The following STX11 variants were observed in gnomAD, a reference collection of about 807,000 sequenced individuals.
The protein encoded by STX11 is syntaxin 11.
STX11 carries 21 observed loss-of-function variants against 19.9 expected under a neutral mutation model. The ratio of observed to expected loss-of-function variants is 1.06; its 90% CI spans 0.75 to 1.52. The LOEUF is 1.52. Among genes scored for constraint, STX11 ranks in the 40% most tolerant of loss-of-function variants. STX11 has a pLI of 0.00. For missense variants in STX11, 438 were observed against 405.9 expected (o/e 1.08, Z -0.68); for synonymous variants, 193 against 174.4 (o/e 1.11, Z -0.84).
chr6:144,169,276 G>A lies in STX11; in HGVS notation c.-5-17347G>A, dbSNP rs547416508. ...CTTTCCGGGGCAATAACACCAAAACGGTGATGTTTTATCAGCATTGCAAAC... is the reference window on the plus strand; with the variant it reads ...CTTTCCGGGGCAATAACACCAAAACAGTGATGTTTTATCAGCATTGCAAAC... On this transcript the variant is annotated intron_variant, in intron 1 of 1. Coordinates refer to ENST00000367568, the MANE Select transcript of STX11 (RefSeq NM_003764.4). This position sits in a 1 kb window ranked among gnomAD's most constrained non-coding sequence, Gnocchi z 5.2. 1.6e-4 allele frequency among the ~76,000 whole-genome samples: 25 copies of A among 152,274 alleles called. No homozygotes were observed. Among genetic ancestry groups the A allele is most frequent in the East Asian group, 1.5e-3 (8 of 5,192 alleles).
chr6:144,146,830 T>A, upstream of STX11, among the ~76,000 whole-genome samples: 1 of 152,156 alleles, frequency 6.6e-6, no homozygotes, highest in Non-Finnish European at 1.5e-5. The surrounding 1 kb of genome is among the most constrained non-coding windows in gnomAD (Gnocchi z 4.4). Context: ...GTGCTGGGTT[T>A]ACAGGCTACC....
In STX11 at chr6:144,180,226, CCTAATAAA is replaced by C. The variant is rs1160454734; in HGVS notation, c.-5-6396_-5-6389del. Among the ~76,000 whole-genome samples, 2 of 152,168 alleles carry C rather than the reference CCTAATAAA, an allele frequency of 1.3e-5. No homozygotes were observed. The highest frequency in any genetic ancestry group is 2.9e-5 in the Non-Finnish European group (2 of 68,034). On this transcript the variant is annotated intron_variant, in intron 1 of 1. Coordinates refer to ENST00000367568, the MANE Select transcript of STX11 (RefSeq NM_003764.4). This position sits in a 1 kb window ranked among gnomAD's most constrained non-coding sequence, Gnocchi z 5.3. ...TGCATATATTAGTCTTTTGGGGCTG[CCTAATAAA>C]GCTTCTCCTTTATTATCAGAGAGAT...
At position 144,179,970 on chromosome 6, in the gene STX11, G is replaced by A. The variant is rs78943660; in HGVS notation, c.-5-6653G>A. ...GGTCTGTTTTGCTTCTGAAATAGCC[G>A]AATTCCATTTGCAAAGACTCTCTTT... On this transcript the variant is annotated intron_variant, in intron 1 of 1. Coordinates refer to ENST00000367568, the MANE Select transcript of STX11 (RefSeq NM_003764.4). 2.0e-3 allele frequency among the ~76,000 whole-genome samples: 297 copies of A among 152,288 alleles called. 4 individuals are homozygous for A. In the East Asian group the frequency reaches 0.039, roughly 20 times the overall value.
chr6:144,152,989 T>C lies in STX11; in HGVS notation c.-6+2286T>C, dbSNP rs569355488. Among the ~76,000 whole-genome samples the C allele has an allele frequency of 3.3e-5, 5 of 152,360 alleles. No individual in the cohort carries two copies. Among genetic ancestry groups the C allele is most frequent in the African/African-American group, 1.2e-4 (5 of 41,590 alleles). On this transcript the variant is annotated intron_variant, in intron 1 of 1. Transcript: ENST00000367568. This position sits in a 1 kb window ranked among gnomAD's most constrained non-coding sequence, Gnocchi z 4.9. Reference sequence around the variant, plus strand: ...GAAGCGAGTTTATGATCATTGTTTTTGTAGTTCAAATCAATGTTTTTTATC... The same window carrying C: ...GAAGCGAGTTTATGATCATTGTTTTCGTAGTTCAAATCAATGTTTTTTATC...
rs979842251 is a variant in STX11 at position 144,189,397 on chromosome 6, T to G, written c.*1906T>G. ...GTGGAGGGGGAAAAGAATGAAAAAC[T>G]CAAAAGAATTCCCATGAGGGTGTCT... On this transcript the variant is annotated 3_prime_UTR_variant, in exon 2 of 2. Transcript: ENST00000367568. 4.6e-5 allele frequency among the ~76,000 whole-genome samples: 7 copies of G among 152,136 alleles called. No homozygotes were observed. Among genetic ancestry groups the G allele is most frequent in the Non-Finnish European group, 8.8e-5 (6 of 68,018 alleles).
At position 144,153,069 on chromosome 6, in the gene STX11, T is replaced by C. The variant is rs1304584720; in HGVS notation, c.-6+2366T>C. 6.6e-6 allele frequency among the ~76,000 whole-genome samples: 1 copy of C among 152,256 alleles called. No homozygotes were observed. Among genetic ancestry groups the C allele is most frequent in the African/African-American group, 2.4e-5 (1 of 41,458 alleles). ...AAATCTACCGTATCACAGTTTACTG[T>C]TGCAATTGAAATCTGCTGAGATGCT... On this transcript the variant is annotated intron_variant, in intron 1 of 1. Transcript: ENST00000367568. This position sits in a 1 kb window ranked among gnomAD's most constrained non-coding sequence, Gnocchi z 5.0.
Position 144,162,903 on chromosome 6 carries a change from A to G in STX11, c.-6+12200A>G, listed in dbSNP as rs1801379279. ...AAGTATTATCTAAGAAAATACCTGC[A>G]TTTGTTGGGAATTCATTCACTGTGT... On this transcript the variant is annotated intron_variant, in intron 1 of 1. Transcript: ENST00000367568. This position sits in a 1 kb window ranked among gnomAD's most constrained non-coding sequence, Gnocchi z 4.6. 2.0e-5 allele frequency among the ~76,000 whole-genome samples: 3 copies of G among 152,202 alleles called. No homozygotes were observed. Among genetic ancestry groups the G allele is most frequent in the South Asian group, 4.1e-4 (2 of 4,832 alleles).
intron 1 of STX11, among the ~76,000 whole-genome samples, chr6:144,178,839 C>CTTTT (rs571217730): frequency 6.7e-6 from 1 of 148,224 alleles, no homozygotes; most frequent in African/African-American, 2.5e-5. Context: ...ACGATACAAG[C>CTTTT]TTTTTTTTTT....
rs745930320 is a variant in STX11, at chr6:144,187,255, C to A, written c.628C>A (p.Arg210Ser). 2 of 1,613,664 alleles carry A rather than the reference C, an allele frequency of 1.2e-6. No individual in the cohort carries two copies. Among genetic ancestry groups the A allele is most frequent in the Non-Finnish European group, 1.7e-6 (2 of 1,179,946 alleles). The change falls in exon 2 of 2, where the codon CGC becomes AGC. Residue 210 changes from arginine to serine, a missense_variant. Coordinates refer to ENST00000367568, the MANE Select transcript of STX11 (RefSeq NM_003764.4). The surrounding 1 kb of genome is among the most constrained non-coding windows in gnomAD (Gnocchi z 5.6). ...GGCCGCCCTCAACGAGATCGAGAGC[C>A]GCCACCGCGAACTGCTGCGCCTGGA... ...ARAALNEIES[R>S]HRELLRLESR...
Position 144,160,196 on chromosome 6 carries a change from G to A in STX11, c.-6+9493G>A, listed in dbSNP as rs1801298870. 6.6e-6 allele frequency among the ~76,000 whole-genome samples: 1 copy of A among 151,980 alleles called. No homozygotes were observed. ...TTTTGTATTTTTTTAGTAGAGACGGGGTTTCACTATATTTGGCCAGGCTGG... is the reference window on the plus strand; with the variant it reads ...TTTTGTATTTTTTTAGTAGAGACGGAGTTTCACTATATTTGGCCAGGCTGG... On this transcript the variant is annotated intron_variant, in intron 1 of 1. Transcript: ENST00000367568. This position sits in a 1 kb window ranked among gnomAD's most constrained non-coding sequence, Gnocchi z 4.3.
chr6:144,191,852 C>T lies in STX11; in HGVS notation c.*4361C>T, dbSNP rs6912580. ...ATGATGAGTGTCTTTGTTATCAACA[C>T]GTTATTAAGAATGGGCAAGATGTCC... On this transcript the variant is annotated 3_prime_UTR_variant, in exon 2 of 2. Transcript: ENST00000367568. Among the ~76,000 whole-genome samples the T allele has an allele frequency of 0.086, 13,101 of 152,170 alleles. 777 individuals are homozygous for T. Among genetic ancestry groups the T allele is most frequent in the East Asian group, 0.25 (1,302 of 5,174 alleles).
rs1255109895 is a variant in STX11, at chr6:144,183,198, TTGATG to T, written c.-5-3422_-5-3418del. 6.6e-6 allele frequency among the ~76,000 whole-genome samples: 1 copy of T among 152,214 alleles called. No individual in the cohort carries two copies. Among genetic ancestry groups the T allele is most frequent in the Non-Finnish European group, 1.5e-5 (1 of 68,032 alleles). On this transcript the variant is annotated intron_variant, in intron 1 of 1. Coordinates refer to ENST00000367568, the MANE Select transcript of STX11 (RefSeq NM_003764.4). This position sits in a 1 kb window ranked among gnomAD's most constrained non-coding sequence, Gnocchi z 4.6. ...CTCAAAGAAAACTATAATTAACACT[TTGATG>T]TGTATTACTCAAGTTTCTGTTTCAG...
chr6:144,158,898 A>G (rs1276108261), intron 1 of STX11, among the ~76,000 whole-genome samples: 2 of 152,282 alleles, frequency 1.3e-5, no homozygotes, highest in East Asian at 3.9e-4. Context: ...CCTTTGCTGA[A>G]GTTGTCTGTG....
At chr6:144,141,629 C>T in the STX11 span, among the ~76,000 whole-genome samples, 23 of 151,794 alleles carry the variant, frequency 1.5e-4, no homozygotes, top group African/African-American at 5.3e-4. Context: ...AAATCATTTA[C>T]TTTGGAAAGT....
Position 144,191,412 on chromosome 6 carries a change from C to T in STX11, c.*3921C>T, listed in dbSNP as rs909705977. Reference sequence around the variant, plus strand: ...AACAGTACTCTTTTTATATCAATGCCTTTACATTTATTTAAAAACAGTCCT... The same window carrying T: ...AACAGTACTCTTTTTATATCAATGCTTTTACATTTATTTAAAAACAGTCCT... On this transcript the variant is annotated 3_prime_UTR_variant, in exon 2 of 2. Coordinates refer to ENST00000367568, the MANE Select transcript of STX11 (RefSeq NM_003764.4). 6.6e-6 allele frequency among the ~76,000 whole-genome samples: 1 copy of T among 150,756 alleles called. No individual in the cohort carries two copies. The highest frequency in any genetic ancestry group is 1.5e-5 in the Non-Finnish European group (1 of 67,786).
chr6:144,171,413 T>C (rs967831480), intron 1 of STX11, among the ~76,000 whole-genome samples: 1 of 152,242 alleles, frequency 6.6e-6, no homozygotes, highest in Non-Finnish European at 1.5e-5. Context: ...AACTTTGGGA[T>C]GTGGCAGTGG....
intron 1 of STX11, among the ~76,000 whole-genome samples, chr6:144,166,899 CCTCT>C (rs928262947): frequency 1.4e-5 from 2 of 141,298 alleles, no homozygotes; most frequent in Admixed American, 7.2e-5. Context: ...CTTTTGTCTA[CCTCT>C]CTCTTTCTTT....
chr6:144,150,718 T>A lies in STX11; in HGVS notation c.-6+15T>A, dbSNP rs1265486684. The A allele has an allele frequency of 3.1e-6, 3 of 971,982 alleles. No individual in the cohort carries two copies. The African/African-American group carries it at 5.6e-5, about 18-fold the overall frequency. 60.2% of individuals were successfully genotyped at this position (971,982 alleles called of 1,614,324 possible). On this transcript the variant is annotated intron_variant, in intron 1 of 1. Transcript: ENST00000367568. ...TCCCAGTCCAGGTTTGTTTTTCTCTTCCTGAGCCCCCATTTCTCTTCCTGA... is the reference window on the plus strand; with the variant it reads ...TCCCAGTCCAGGTTTGTTTTTCTCTACCTGAGCCCCCATTTCTCTTCCTGA...
Position 144,187,328 on chromosome 6 carries a change from T to C in STX11, c.701T>C (p.Leu234Pro), listed in dbSNP as rs1424404410. The change falls in exon 2 of 2, where the codon CTG (leucine) becomes CCG (proline). Residue 234 changes from leucine (L) to proline (P), a missense_variant. Coordinates refer to ENST00000367568, the MANE Select transcript of STX11 (RefSeq NM_003764.4). This position sits in a 1 kb window ranked among gnomAD's most constrained non-coding sequence, Gnocchi z 5.6. Reference protein sequence around the residue: ...VHELFLQMAVLVEKQADTLNV... With the variant: ...VHELFLQMAVPVEKQADTLNV... ...GAGCTCTTCTTGCAGATGGCGGTGC[T>C]GGTGGAGAAGCAGGCCGACACCCTG... is the stretch of plus-strand genomic sequence containing the variant. 1 of 1,611,010 alleles carries C rather than the reference T, an allele frequency of 6.2e-7. No homozygotes were observed. The highest frequency in any genetic ancestry group is 8.5e-7 in the Non-Finnish European group (1 of 1,179,936).
Sources: allele counts gnomAD v4.1 joint callset (sites outside exome capture counted in the v4.1 genomes callset), GRCh38; gene constraint gnomAD v4.1.1; non-coding constraint Gnocchi (gnomAD v3.1); transcripts MANE v1.5; gene names NCBI Gene and HGNC (gene_info 2026-07-23, HGNC 2026-07-21).